The following TCL1B variants were observed in gnomAD, a reference collection of about 807,000 sequenced individuals.
TCL1B encodes the protein T-cell leukemia/lymphoma protein 1B.
TCL1B carries 14 observed loss-of-function variants against 16.9 expected under a neutral mutation model. The observed-to-expected ratio is 0.83, with a 90% CI of 0.55 to 1.30. The LOEUF (loss-of-function observed/expected upper bound fraction) is 1.30, where lower values mean the gene tolerates loss of function less well. TCL1B is among the 50% of genes most tolerant of loss of function. TCL1B has a pLI of 0.00. For missense variants in TCL1B, 166 were observed against 165.2 expected, an observed-to-expected ratio of 1.00 and a Z score of -0.03; for synonymous variants, 79 against 66.6, an observed-to-expected ratio of 1.19 and a Z score of -0.91.
At chr14:95,687,499 C>T (rs761566980) in intron 1 of TCL1B, among the ~76,000 whole-genome samples, 1 of 152,194 alleles carries the variant, frequency 6.6e-6, no homozygotes, top group Non-Finnish European at 1.5e-5. Context: ...TACACCTACA[C>T]ATCACTTCAA....
Position 95,690,813 on chromosome 14 carries a change from C to G in TCL1B, c.240C>G (p.Pro80=), listed in dbSNP as rs749393789. The G allele has an allele frequency of 5.6e-6, 9 of 1,614,088 alleles. No individual in the cohort carries two copies. The South Asian group carries it at 7.7e-5, about 14-fold the overall frequency. The change falls in exon 2 of 4, where the codon CCC becomes CCG. Residue 80 remains proline (P), a synonymous_variant. Coordinates refer to ENST00000340722, the MANE Select transcript of TCL1B (RefSeq NM_004918.4). ...TRELLSSGQM[P]FSQLPAVWQL... is the part of the protein sequence containing the mutation. ...AGCTACTCTCCTCCGGCCAGATGCC[C>G]TTCTCCCAGCTGCCCGCCGTGTGGC...
Position 95,690,718 on chromosome 14 carries a change from CTT to C in TCL1B, c.163-15_163-14del, listed in dbSNP as rs751901905. The C allele has an allele frequency of 3.1e-6, 5 of 1,594,964 alleles. No individual in the cohort carries two copies. The South Asian group carries it at 4.4e-5, about 14-fold the overall frequency. ...GAACCCTATCCATGATTTGCCGCCTCTTTTCTGGTCCCTTCAGTATGAACCCA... is the reference window on the plus strand; with the variant it reads ...GAACCCTATCCATGATTTGCCGCCTCTTCTGGTCCCTTCAGTATGAACCCA... On this transcript the variant is annotated splice_polypyrimidine_tract_variant and intron_variant, in intron 1 of 3. Coordinates refer to ENST00000340722, the MANE Select transcript of TCL1B (RefSeq NM_004918.4).
chr14:95,690,046 A>C (rs867163899), intron 1 of TCL1B, among the ~76,000 whole-genome samples: 1 of 152,214 alleles, frequency 6.6e-6, no homozygotes, highest in Non-Finnish European at 1.5e-5. Context: ...TCTGTCTCCC[A>C]GGCTGGAGTG....
At position 95,686,441 on chromosome 14, in the gene TCL1B, G is replaced by A. The variant is rs1196881234; in HGVS notation, c.-27G>A. 11 of 1,576,186 alleles carry A rather than the reference G, an allele frequency of 7.0e-6. No homozygotes were observed. Among genetic ancestry groups the A allele is most frequent in the Non-Finnish European group, 9.5e-6 (11 of 1,162,780 alleles). On this transcript the variant is annotated 5_prime_UTR_variant, in exon 1 of 4. Transcript: ENST00000340722. ...CTGGAAAGCTACACGTGTGAGCCTA[G>A]AGGCGGGTCCCGGTTGCAGACTTGC...
chr14:95,686,686 G>A, intron 1 of TCL1B, 57 bp downstream of exon 1: 7 of 1,515,150 alleles, frequency 4.6e-6, no homozygotes, highest in Non-Finnish European at 2.6e-6. Flanking sequence ...ACCCCTGCCC[G>A]TGTGGGACCG....
At position 95,690,867 on chromosome 14, in the gene TCL1B, A is replaced by C. The variant is rs142637382; in HGVS notation, c.294A>C (p.Ala98=). ...TCTACCCCGGGAGGAAGTACCGAGC[A>C]GCGGATTCCAGTTTCTGGGAAATAG... is the stretch of plus-strand genomic sequence containing the variant. ...WQLYPGRKYR[A]ADSSFWEIAD... The change falls in exon 2 of 4, where the codon GCA becomes GCC. Residue 98 remains alanine, a synonymous_variant. Transcript: ENST00000340722. 1 of 1,614,152 alleles carries C rather than the reference A, an allele frequency of 6.2e-7. No individual in the cohort carries two copies. The highest frequency in any genetic ancestry group is 1.1e-5 in the South Asian group (1 of 91,078).
At chr14:95,691,668 C>T in intron 3 of TCL1B, 1 of 233,698 alleles carries the variant, frequency 4.3e-6, no homozygotes, top group South Asian at 6.6e-5. Context: ...CGAGACCATA[C>T]AGCCAGGAAA....
At position 95,691,333 on chromosome 14, in the gene TCL1B, G is replaced by C; in HGVS notation, c.*12G>C. 6.2e-7 allele frequency: 1 copy of C among 1,613,284 alleles called. No homozygotes were observed. The highest frequency in any genetic ancestry group is 8.5e-7 in the Non-Finnish European group (1 of 1,179,942). The stretch of plus-strand genomic sequence containing the variant: ...AGAGGAAAGACTGACACTGGGAGTG[G>C]CTGGTATGTTGGGGCCCTGTGCGTC... On this transcript the variant is annotated 3_prime_UTR_variant, in exon 3 of 4. Transcript: ENST00000340722.
intron 1 of TCL1B, 102 bp downstream of exon 1, chr14:95,686,731 C>T: frequency 7.4e-7 from 1 of 1,358,106 alleles, no homozygotes; most frequent in Non-Finnish European, 9.8e-7. Context: ...CTCACCCGCA[C>T]TGGAAAACTC....
chr14:95,690,219 C>T (rs926881080), intron 1 of TCL1B, among the ~76,000 whole-genome samples: 1 of 152,196 alleles, frequency 6.6e-6, no homozygotes, highest in Non-Finnish European at 1.5e-5. Flanking sequence ...CGAGGCTGGT[C>T]TTGAACTCGT....
chr14:95,687,849 G>A (rs1433680862), intron 1 of TCL1B, among the ~76,000 whole-genome samples: 1 of 151,028 alleles, frequency 6.6e-6, no homozygotes, highest in East Asian at 2.0e-4. Context: ...CTACTCGGGA[G>A]GCTGAGGCAG....
Position 95,692,110 on chromosome 14 carries a change from A to G in TCL1B, c.*195A>G, listed in dbSNP as rs1885899567. ...TTAGTTATCAGTCCTGTCCTGTCCC[A>G]CTCAGGTCTGTACTTAGGGCAGCTG... On this transcript the variant is annotated 3_prime_UTR_variant, in exon 4 of 4. Coordinates refer to ENST00000340722, the MANE Select transcript of TCL1B (RefSeq NM_004918.4). 6.6e-6 allele frequency: 1 copy of G among 152,040 alleles called. No homozygotes were observed. The highest frequency in any genetic ancestry group is 1.5e-5 in the Non-Finnish European group (1 of 68,122). 9.4% of individuals were successfully genotyped at this position (152,040 alleles called of 1,614,324 possible).
rs189823059 is a variant in TCL1B, at chr14:95,691,356, G to A, written c.*15+20G>A. ...TGGCTGGTATGTTGGGGCCCTGTGCGTCTCAGTGTAGGGATCAGACGAAAG... is the reference window on the plus strand; with the variant it reads ...TGGCTGGTATGTTGGGGCCCTGTGCATCTCAGTGTAGGGATCAGACGAAAG... On this transcript the variant is annotated intron_variant, in intron 3 of 3. Transcript: ENST00000340722. The A allele has an allele frequency of 6.6e-3, 10,680 of 1,610,512 alleles. 65 individuals carry two copies. The highest frequency in any genetic ancestry group is 0.019 in the South Asian group (1,758 of 90,484).
chr14:95,687,019 A>T (rs1246941870), intron 1 of TCL1B, among the ~76,000 whole-genome samples: 1 of 152,224 alleles, frequency 6.6e-6, no homozygotes, highest in Non-Finnish European at 1.5e-5. Flanking sequence ...AAAGCATTGC[A>T]GCCTGGAGGC....
At chr14:95,691,176 CCTG>C (rs1182954021) in intron 2 of TCL1B, 89 bp from the exon 3 acceptor site, 67 of 1,448,810 alleles carry the variant, frequency 4.6e-5, no homozygotes, top group Middle Eastern at 2.1e-4. Context: ...CTCACCCCTG[CCTG>C]CTGCTGCTGC....
Position 95,690,907 on chromosome 14 carries a change from G to A in TCL1B, c.333+1G>A. ...CTGGGAAATAGCAGACCATGGCCAG[G>A]CAAGTGTGTGGTGGTTCTAGGTGAA... On this transcript the variant is annotated splice_donor_variant, in intron 2 of 3. Coordinates refer to ENST00000340722, the MANE Select transcript of TCL1B (RefSeq NM_004918.4). LOFTEE classifies it high-confidence loss of function. The A allele has an allele frequency of 1.2e-6, 2 of 1,613,094 alleles. No homozygotes were observed. The highest frequency in any genetic ancestry group is 1.7e-6 in the Non-Finnish European group (2 of 1,179,152).
rs1469167609 is a variant in TCL1B at position 95,690,909 on chromosome 14, A to G, written c.333+3A>G. On this transcript the variant is annotated splice_donor_region_variant and intron_variant, in intron 2 of 3. Transcript: ENST00000340722. ...GGGAAATAGCAGACCATGGCCAGGC[A>G]AGTGTGTGGTGGTTCTAGGTGAAAG... 1.2e-6 allele frequency: 2 copies of G among 1,612,836 alleles called. No individual in the cohort carries two copies. Among genetic ancestry groups the G allele is most frequent in the Non-Finnish European group, 8.5e-7 (1 of 1,178,994 alleles).
At chr14:95,688,396 C>T (rs1440267927) in intron 1 of TCL1B, 1 of 152,124 alleles carries the variant, frequency 6.6e-6, no homozygotes, top group African/African-American at 2.4e-5. Context: ...CTTTTCTGTA[C>T]ATACACTAAA....
chr14:95,689,015 G>A lies in TCL1B; in HGVS notation c.163-1721G>A, dbSNP rs149276944. On this transcript the variant is annotated intron_variant, in intron 1 of 3. Coordinates refer to ENST00000340722, the MANE Select transcript of TCL1B (RefSeq NM_004918.4). Reference sequence around the variant, plus strand: ...CTCTTAAAAACAGTTGGCCGGGTGCGGTGGCTCACGCCTGTAATCCCAGCA... The same window carrying A: ...CTCTTAAAAACAGTTGGCCGGGTGCAGTGGCTCACGCCTGTAATCCCAGCA... Among the ~76,000 whole-genome samples the A allele has an allele frequency of 8.2e-3, 1,242 of 152,264 alleles. 12 individuals are homozygous for A. The highest frequency in any genetic ancestry group is 0.028 in the African/African-American group (1,182 of 41,586).
Sources: allele counts gnomAD v4.1 joint callset (sites outside exome capture counted in the v4.1 genomes callset), GRCh38; gene constraint gnomAD v4.1.1; transcripts MANE v1.5; gene names NCBI Gene and HGNC (gene_info 2026-07-23, HGNC 2026-07-21).